The following ANO4 variants were observed in gnomAD, a reference collection of about 807,000 sequenced individuals.
ANO4 encodes anoctamin 4, also known as anoctamin-4.
A neutral mutation model predicts 141.9 loss-of-function variants in ANO4; 69 were observed. That is an observed-to-expected ratio of 0.49 (90% confidence interval 0.40 to 0.59). ANO4 has a LOEUF of 0.59. ANO4 is among the 20% of genes least tolerant of loss of function. ANO4 has a pLI of 0.00. For synonymous variants in ANO4, 350 were observed against 394.3 expected (o/e 0.89, Z 1.33); for missense variants, 894 against 1,162.2 (o/e 0.77, Z 3.36).
chr12:100,987,820 AT>A, intron 8 of ANO4, 150 bp downstream of exon 8: 1 of 1,147,678 alleles, frequency 8.7e-7, no homozygotes, highest in South Asian at 1.6e-5. Flanking sequence ...TATCCCTTTT[AT>A]TTCAGTCAGG....
chr12:100,859,941 A>G (rs2038384460), intron 1 of ANO4, among the ~76,000 whole-genome samples: 1 of 152,184 alleles, frequency 6.6e-6, no homozygotes, highest in South Asian at 2.1e-4. Context: ...TCCATCACCT[A>G]TCATAAAATT....
At chr12:100,828,656 T>C (rs2036485820) in intron 1 of ANO4, among the ~76,000 whole-genome samples, 1 of 151,944 alleles carries the variant, frequency 6.6e-6, no homozygotes, top group Non-Finnish European at 1.5e-5. Context: ...CCAGTATCCA[T>C]TGCCAGGAGG....
chr12:100,804,757 G>T (rs1054559368), intron 1 of ANO4, among the ~76,000 whole-genome samples: 1 of 152,218 alleles, frequency 6.6e-6, no homozygotes, highest in African/African-American at 2.4e-5. Context: ...CTTTTGAGAA[G>T]TATCTGTTCA....
intron 1 of ANO4, among the ~76,000 whole-genome samples, chr12:100,836,195 G>A (rs1001846177): frequency 3.9e-5 from 6 of 152,166 alleles, no homozygotes; most frequent in African/African-American, 1.4e-4. Flanking sequence ...GTCCCCGTGG[G>A]TGAAAATGTT....
At chr12:100,773,265 C>T (rs1230840043) in intron 3 of ANO4, among the ~76,000 whole-genome samples, 1 of 152,210 alleles carries the variant, frequency 6.6e-6, no homozygotes, top group African/African-American at 2.4e-5. Context: ...TCTCCAAATG[C>T]CTTGCCTTCA....
intron 8 of ANO4, among the ~76,000 whole-genome samples, chr12:101,003,309 T>C (rs2045730142): frequency 6.6e-6 from 1 of 152,244 alleles, no homozygotes; most frequent in Non-Finnish European, 1.5e-5. Flanking sequence ...CTGTAAGACA[T>C]GCATTCTCAT....
At chr12:101,063,745 C>CTT in intron 14 of ANO4, among the ~76,000 whole-genome samples, 772 of 24,792 alleles carry the variant, frequency 0.031, 170 homozygotes, top group Non-Finnish European at 0.04. Flanking sequence ...TCCAGGTTAT[C>CTT]TTTTTTTTTT....
intron 6 of ANO4, among the ~76,000 whole-genome samples, 176 bp downstream of exon 6, chr12:100,971,582 T>C (rs1370029290): frequency 1.3e-5 from 2 of 152,208 alleles, no homozygotes; most frequent in Non-Finnish European, 2.9e-5. Flanking sequence ...ATTTCATGGC[T>C]TTTTGTGAAA....
At chr12:101,068,217 T>G in intron 14 of ANO4, 1 of 1,354,584 alleles carries the variant, frequency 7.4e-7, no homozygotes, top group South Asian at 1.5e-5. Flanking sequence ...CCAGCAAGAG[T>G]AGAACGAGGC....
At chr12:100,959,439 T>C (rs1328579504) in intron 5 of ANO4, among the ~76,000 whole-genome samples, 1 of 152,092 alleles carries the variant, frequency 6.6e-6, no homozygotes, top group Admixed American at 6.5e-5. Flanking sequence ...ACCACTCCGT[T>C]TCTCTTCTAC....
In ANO4 at chr12:100,762,817, G is replaced by T. The variant is rs117961368; in HGVS notation, c.358+22712G>T. 2.8e-3 allele frequency among the ~76,000 whole-genome samples: 429 copies of T among 152,294 alleles called. 1 individual carries two copies. The highest frequency in any genetic ancestry group is 4.5e-3 in the Non-Finnish European group (309 of 68,020). Reference sequence around the variant, plus strand: ...TGGACATGCATTAATCCACTAGAATGCAGTTTCCATGTGGGCAGGGAGTTC... The same window carrying T: ...TGGACATGCATTAATCCACTAGAATTCAGTTTCCATGTGGGCAGGGAGTTC... On this transcript the variant is annotated intron_variant, in intron 3 of 29. Transcript: ENST00000644049.
chr12:101,012,512 T>C (rs924159463), intron 8 of ANO4, among the ~76,000 whole-genome samples: 1 of 152,110 alleles, frequency 6.6e-6, no homozygotes, highest in African/African-American at 2.4e-5. Flanking sequence ...TCAAAAGCCC[T>C]GGGCAGTAAC....
chr12:100,776,666 A>G (rs975359467), intron 3 of ANO4, among the ~76,000 whole-genome samples: 21 of 152,236 alleles, frequency 1.4e-4, no homozygotes, highest in Non-Finnish European at 2.9e-5. Flanking sequence ...AATTGACTTA[A>G]GATTTTTCTT....
At chr12:100,933,073 A>G (rs1295353417) in intron 3 of ANO4, among the ~76,000 whole-genome samples, 7 of 151,174 alleles carry the variant, frequency 4.6e-5, no homozygotes, top group African/African-American at 1.5e-4. Flanking sequence ...CTTGAGTTGC[A>G]TGGTAGTTTT....
At chr12:100,864,792 C>T (rs1045737477) in intron 1 of ANO4, among the ~76,000 whole-genome samples, 1 of 152,152 alleles carries the variant, frequency 6.6e-6, no homozygotes, top group Non-Finnish European at 1.5e-5. Flanking sequence ...CCCATCAACC[C>T]GTCATCTACA....
intron 1 of ANO4, among the ~76,000 whole-genome samples, chr12:100,833,957 C>T (rs1220320404): frequency 6.6e-6 from 1 of 151,994 alleles, no homozygotes; most frequent in Non-Finnish European, 1.5e-5. Flanking sequence ...TTTTTGGATA[C>T]AAGCAATAGA....
chr12:100,915,869 T>G (rs2041314263), intron 2 of ANO4, among the ~76,000 whole-genome samples: 1 of 152,202 alleles, frequency 6.6e-6, no homozygotes. Flanking sequence ...TTAGTGCCAG[T>G]ATCTCCTTTT....
At chr12:101,095,299 G>A (rs2049937709) in intron 18 of ANO4, among the ~76,000 whole-genome samples, 1 of 151,132 alleles carries the variant, frequency 6.6e-6, no homozygotes, top group Non-Finnish European at 1.5e-5. Context: ...AGATAGAAGA[G>A]GTTTATGTCC....
chr12:100,780,146 C>T (rs1275238568), intron 3 of ANO4, among the ~76,000 whole-genome samples: 5 of 151,942 alleles, frequency 3.3e-5, no homozygotes, highest in African/African-American at 9.7e-5. Flanking sequence ...GCCTTAGCCT[C>T]CCCCGAGTAG....
Sources: allele counts gnomAD v4.1 joint callset (sites outside exome capture counted in the v4.1 genomes callset), GRCh38; gene constraint gnomAD v4.1.1; transcripts MANE v1.5; gene names NCBI Gene and HGNC (gene_info 2026-07-23, HGNC 2026-07-21).